EPB41L4A: variants seen among roughly 807,000 people sequenced by gnomAD.
EPB41L4A encodes band 4.1-like protein 4A.
A neutral mutation model predicts 108.6 loss-of-function variants in EPB41L4A; 100 were observed. The observed-to-expected ratio is 0.92, with a 90% CI of 0.78 to 1.09. The LOEUF (loss-of-function observed/expected upper bound fraction) is 1.09. Ranked by LOEUF, EPB41L4A falls within the 50% of genes least tolerant of loss-of-function variation. EPB41L4A has a pLI of 0.00. For synonymous variants in EPB41L4A, 319 were observed against 289.0 expected (o/e 1.10, Z -1.05); for missense variants, 1,030 against 842.7 (o/e 1.22, Z -2.75).
Position 112,234,731 on chromosome 5 carries a change from G to A in EPB41L4A, c.990C>T (p.Ser330=). Residue 330 remains serine (S), a synonymous_variant, in exon 12 of 23, where the codon AGC becomes AGT. Transcript: ENST00000261486. ...GGGGAAGCTGAATAGAAAGATCTCG[G>A]CTCATTTGCAAAGCTGTCCTGCCAC... The part of the protein sequence containing the change: ...RYSGRTALQM[S]RDLSIQLPRP... The A allele has an allele frequency of 1.2e-6, 2 of 1,611,816 alleles. No individual in the cohort carries two copies. The highest frequency in any genetic ancestry group is 8.5e-7 in the Non-Finnish European group (1 of 1,178,414).
intron 13 of EPB41L4A, chr5:112,143,897 G>A (rs1195158580): frequency 4.4e-6 from 2 of 454,882 alleles, no homozygotes; most frequent in Non-Finnish European, 8.8e-6. Flanking sequence ...ACATAGAAAA[G>A]AAGGGGGAAA....
chr5:112,178,667 C>T (rs1478022334), intron 18 of EPB41L4A, among the ~76,000 whole-genome samples: 2 of 151,020 alleles, frequency 1.3e-5, no homozygotes, highest in Non-Finnish European at 3.0e-5. Context: ...AAACACACAA[C>T]TAAAAATGCC....
At chr5:112,393,775 G>C (rs1046170579) in intron 1 of EPB41L4A, among the ~76,000 whole-genome samples, 1 of 152,108 alleles carries the variant, frequency 6.6e-6, no homozygotes, top group African/African-American at 2.4e-5. Flanking sequence ...AAGCCTGGCA[G>C]AGACACAACA....
intron 1 of EPB41L4A, among the ~76,000 whole-genome samples, chr5:112,360,700 C>T (rs1758672924): frequency 6.6e-6 from 1 of 152,202 alleles, no homozygotes; most frequent in African/African-American, 2.4e-5. Context: ...GCCACCCCGT[C>T]TAAGAAGTGA....
chr5:112,207,612 G>A (rs1762533016), intron 13 of EPB41L4A, among the ~76,000 whole-genome samples: 1 of 151,768 alleles, frequency 6.6e-6, no homozygotes, highest in African/African-American at 2.4e-5. Context: ...AATGGGCAAA[G>A]GACATCAACA....
chr5:112,215,344 T>C (rs1043177090), intron 12 of EPB41L4A, among the ~76,000 whole-genome samples: 1 of 152,232 alleles, frequency 6.6e-6, no homozygotes, highest in Admixed American at 6.5e-5. Flanking sequence ...GTTATTGACA[T>C]ATGGCTATTA....
chr5:112,419,114 G>T lies in EPB41L4A; in HGVS notation c.-75C>A. On this transcript the variant is annotated 5_prime_UTR_variant, in exon 1 of 23. Coordinates refer to ENST00000261486, the MANE Select transcript of EPB41L4A (RefSeq NM_022140.5). The stretch of plus-strand genomic sequence containing the variant: ...CCAGCCGCCCCCTCCACTCAAGCGC[G>T]ATGCATTAATTTATTGTCCGCGCCG... 6.2e-6 allele frequency: 7 copies of T among 1,128,404 alleles called. No homozygotes were observed. The South Asian group carries it at 7.6e-5, about 12-fold the overall frequency. The allele number at this position is 1,128,404 out of a possible 1,614,324, so 69.9% of individuals were successfully genotyped here.
At chr5:112,341,384 T>C (rs1435570363) in intron 1 of EPB41L4A, among the ~76,000 whole-genome samples, 1 of 152,202 alleles carries the variant, frequency 6.6e-6, no homozygotes, top group African/African-American at 2.4e-5. Context: ...AAAAACATAC[T>C]GTGTGTGTAT....
chr5:112,349,883 G>C (rs759948602), intron 1 of EPB41L4A, among the ~76,000 whole-genome samples: 27 of 152,292 alleles, frequency 1.8e-4, no homozygotes, highest in Middle Eastern at 6.8e-3. Flanking sequence ...AGCAAAACAA[G>C]TTCCAGGTGA....
chr5:112,341,106 T>C (rs1479253168), intron 1 of EPB41L4A, among the ~76,000 whole-genome samples: 1 of 152,228 alleles, frequency 6.6e-6, no homozygotes, highest in Non-Finnish European at 1.5e-5. Context: ...TTTACGTTTA[T>C]TGTATATTAA....
intron 9 of EPB41L4A, among the ~76,000 whole-genome samples, chr5:112,248,521 T>G (rs1259156387): frequency 6.6e-6 from 1 of 152,186 alleles, no homozygotes; most frequent in African/African-American, 2.4e-5. Context: ...CGAATCAAGA[T>G]TGAGTCACTT....
At chr5:112,402,709 G>GT (rs1215331114) in intron 1 of EPB41L4A, among the ~76,000 whole-genome samples, 2 of 152,102 alleles carry the variant, frequency 1.3e-5, no homozygotes. Flanking sequence ...GACACCAGAT[G>GT]GGAAGCATTT....
downstream of EPB41L4A, among the ~76,000 whole-genome samples, chr5:112,158,072 C>T (rs1367801153): frequency 1.3e-5 from 2 of 152,172 alleles, no homozygotes; most frequent in Non-Finnish European, 1.5e-5. Context: ...TTTCCTAAAA[C>T]CTAACACTGA....
intron 1 of EPB41L4A, among the ~76,000 whole-genome samples, chr5:112,364,197 T>C (rs1380133409): frequency 6.6e-6 from 1 of 152,020 alleles, no homozygotes; most frequent in Admixed American, 6.6e-5. Flanking sequence ...AGGCAATTTT[T>C]TGTATTTTGG....
At chr5:112,170,182 G>A in intron 20 of EPB41L4A, 119 bp downstream of exon 20, 8 of 973,724 alleles carry the variant, frequency 8.2e-6, no homozygotes, top group Non-Finnish European at 1.2e-5. Flanking sequence ...CTGTCACCTA[G>A]TTTTGTTTAA....
chr5:112,418,049 C>G (rs1387758071), intron 1 of EPB41L4A, among the ~76,000 whole-genome samples: 1 of 149,838 alleles, frequency 6.7e-6, no homozygotes. Context: ...AGAGCGGGGG[C>G]GGGGGGGCGG....
chr5:112,307,587 T>C (rs1013669083), intron 1 of EPB41L4A, 97 bp from the exon 2 acceptor site: 2 of 720,362 alleles, frequency 2.8e-6, no homozygotes, highest in South Asian at 1.9e-5. Flanking sequence ...TCACTCACAA[T>C]AGCAGCAATT....
At chr5:112,276,726 G>A (rs565140599) in intron 3 of EPB41L4A, among the ~76,000 whole-genome samples, 31 of 152,160 alleles carry the variant, frequency 2.0e-4, no homozygotes, top group Non-Finnish European at 3.7e-4. Context: ...AAATTAAAAT[G>A]AACAAGAATA....
intron 1 of EPB41L4A, among the ~76,000 whole-genome samples, chr5:112,352,366 T>C (rs1315100753): frequency 6.6e-6 from 1 of 152,224 alleles, no homozygotes; most frequent in Non-Finnish European, 1.5e-5. Flanking sequence ...ACTGACCCAA[T>C]GGTCACTCAG....
Sources: gnomAD v4.1 joint callset for allele counts (sites outside exome capture counted in the v4.1 genomes callset) on GRCh38, gnomAD v4.1.1 for gene constraint, MANE v1.5 for transcripts, NCBI Gene and HGNC (gene_info 2026-07-23, HGNC 2026-07-21) for gene names.